Variants in DIAPH3 observed in about 807,000 individuals in gnomAD.
DIAPH3 encodes diaphanous related formin 3, also known as protein diaphanous homolog 3.
DIAPH3 carries 117 observed loss-of-function variants against 144.3 expected under a neutral mutation model. That is an observed-to-expected ratio of 0.81 (90% CI 0.70 to 0.95). DIAPH3 has a LOEUF of 0.95. Among genes scored for constraint, DIAPH3 ranks in the 40% least tolerant of loss-of-function variants. DIAPH3 has a pLI of 0.00. For synonymous variants in DIAPH3, 519 were observed against 488.9 expected, an observed-to-expected ratio of 1.06 and a Z score of -0.81; for missense variants, 1,421 against 1,412.7, an observed-to-expected ratio of 1.01 and a Z score of -0.09.
intron 27 of DIAPH3, among the ~76,000 whole-genome samples, chr13:59,735,674 A>T (rs1197817018): frequency 6.6e-6 from 1 of 151,920 alleles, no homozygotes; most frequent in Non-Finnish European, 1.5e-5. Context: ...CATGAGGTAG[A>T]TTTTTTTTTT....
At chr13:59,886,255 T>C (rs530691913) in intron 20 of DIAPH3, among the ~76,000 whole-genome samples, 2 of 152,232 alleles carry the variant, frequency 1.3e-5, no homozygotes, top group South Asian at 4.1e-4. Context: ...CTAAGATGTA[T>C]AGACTTTACA....
At chr13:59,745,298 G>T (rs1322037519) in intron 27 of DIAPH3, among the ~76,000 whole-genome samples, 1 of 152,098 alleles carries the variant, frequency 6.6e-6, no homozygotes, top group African/African-American at 2.4e-5. Flanking sequence ...TAACCTAGAG[G>T]TTAATTATCT....
intron 3 of DIAPH3, among the ~76,000 whole-genome samples, chr13:60,094,767 C>G (rs887585501): frequency 6.6e-6 from 1 of 152,132 alleles, no homozygotes; most frequent in South Asian, 2.1e-4. Context: ...GGCTACCAAA[C>G]CCTTCGAGCA....
intron 4 of DIAPH3, among the ~76,000 whole-genome samples, chr13:60,052,016 G>C (rs1292444525): frequency 6.6e-6 from 1 of 152,178 alleles, no homozygotes; most frequent in East Asian, 1.9e-4. Flanking sequence ...GCAGCTACCT[G>C]CTTCCTCCCA....
At chr13:59,755,070 T>C (rs2037190537) in intron 27 of DIAPH3, among the ~76,000 whole-genome samples, 1 of 152,214 alleles carries the variant, frequency 6.6e-6, no homozygotes, top group South Asian at 2.1e-4. Context: ...AGTTTTTCTG[T>C]TTAAATGCTT....
At chr13:60,042,340 G>T (rs1303011277) in intron 5 of DIAPH3, among the ~76,000 whole-genome samples, 4 of 152,182 alleles carry the variant, frequency 2.6e-5, no homozygotes, top group Admixed American at 2.6e-4. Context: ...ATTTCTTACT[G>T]TGTCAAATAA....
intron 26 of DIAPH3, 82 bp from the exon 27 acceptor site, chr13:59,774,330 T>C: frequency 8.5e-7 from 1 of 1,178,880 alleles, no homozygotes; most frequent in Admixed American, 2.1e-5. Flanking sequence ...CATACTTTTT[T>C]CCAAGGTTAT....
intron 4 of DIAPH3, among the ~76,000 whole-genome samples, chr13:60,059,438 T>C (rs2056682064): frequency 6.6e-6 from 1 of 152,062 alleles, no homozygotes; most frequent in African/African-American, 2.4e-5. Context: ...ATGCTATTTA[T>C]AAGGTACATT....
intron 17 of DIAPH3, among the ~76,000 whole-genome samples, chr13:59,958,352 A>G (rs2049527934): frequency 6.6e-6 from 1 of 152,156 alleles, no homozygotes; most frequent in Non-Finnish European, 1.5e-5. Flanking sequence ...ATGTTGTGAA[A>G]CATCATAAAA....
chr13:60,073,245 G>T (rs899221819), intron 4 of DIAPH3, among the ~76,000 whole-genome samples: 1 of 151,936 alleles, frequency 6.6e-6, no homozygotes, highest in East Asian at 1.9e-4. Context: ...GCAGGTGGAG[G>T]TTGCAGTGAG....
intron 27 of DIAPH3, among the ~76,000 whole-genome samples, chr13:59,682,944 G>A (rs1251560093): frequency 5.9e-5 from 9 of 152,138 alleles, no homozygotes; most frequent in Non-Finnish European, 1.3e-4. Flanking sequence ...TGTTAAAAGC[G>A]GTACTTTAAT....
chr13:60,089,392 TG>T (rs1257345942), intron 4 of DIAPH3, among the ~76,000 whole-genome samples: 1 of 152,210 alleles, frequency 6.6e-6, no homozygotes, highest in Non-Finnish European at 1.5e-5. Flanking sequence ...TAATAAAGAA[TG>T]AGAACTATAC....
Position 60,097,778 on chromosome 13 carries a change from GA to G in DIAPH3, c.391-4047del, listed in dbSNP as rs1048518068. 6.0e-4 allele frequency among the ~76,000 whole-genome samples: 62 copies of G among 102,682 alleles called. 1 individual carries two copies. Among genetic ancestry groups the G allele is most frequent in the East Asian group, 2.0e-3 (7 of 3,580 alleles). The allele number at this position is 102,682 out of a possible 152,430, so 67.4% of individuals were successfully genotyped here. A position where few individuals can be genotyped will look rare whatever the true frequency, so the allele number is the denominator to read the frequency against. On this transcript the variant is annotated intron_variant, in intron 3 of 27. Coordinates refer to ENST00000400324, the MANE Select transcript of DIAPH3 (RefSeq NM_001042517.2). ...AAGAAAAGCTCTGCCCTTTAAAAAAGAAAAAAAAAAAGAGAGAGAGAGAGAG... is the reference window on the plus strand; with the variant it reads ...AAGAAAAGCTCTGCCCTTTAAAAAAGAAAAAAAAAAGAGAGAGAGAGAGAG...
In DIAPH3 at chr13:59,790,640, T is replaced by C. The variant is rs1360435998; in HGVS notation, c.3164-15817A>G. ...GGAAATTTTAAAATCCTATTCAGAA[T>C]AACAGCAACATTGTTTTGAAAAGGA... On this transcript the variant is annotated intron_variant, in intron 25 of 27. Coordinates refer to ENST00000400324, the MANE Select transcript of DIAPH3 (RefSeq NM_001042517.2). 2.0e-5 allele frequency among the ~76,000 whole-genome samples: 3 copies of C among 151,680 alleles called. No homozygotes were observed. The East Asian group carries it at 5.8e-4, about 29-fold the overall frequency.
chr13:59,731,688 T>C (rs951963019), intron 27 of DIAPH3, among the ~76,000 whole-genome samples: 1 of 152,176 alleles, frequency 6.6e-6, no homozygotes, highest in African/African-American at 2.4e-5. Context: ...ATAATTGCCA[T>C]ATTCAAAGAT....
At chr13:59,846,205 G>A (rs1043148109) in intron 22 of DIAPH3, among the ~76,000 whole-genome samples, 2 of 150,910 alleles carry the variant, frequency 1.3e-5, no homozygotes, top group Non-Finnish European at 2.9e-5. Flanking sequence ...AAGATTTCAA[G>A]TAAGAAAGGA....
chr13:59,819,357 C>A (rs1028686443), intron 24 of DIAPH3, among the ~76,000 whole-genome samples: 1 of 151,834 alleles, frequency 6.6e-6, no homozygotes, highest in Non-Finnish European at 1.5e-5. Context: ...TCTTTAACCA[C>A]TTTTGCCTTG....
chr13:59,861,200 G>A (rs184696366), intron 22 of DIAPH3: 21 of 1,448,818 alleles, frequency 1.4e-5, no homozygotes, highest in Non-Finnish European at 1.8e-5. Context: ...ATAATATAAG[G>A]CCTCATCATC....
chr13:60,105,010 G>A (rs9563786), intron 3 of DIAPH3, among the ~76,000 whole-genome samples: 9,189 of 145,644 alleles, frequency 0.063, 426 homozygotes, highest in East Asian at 0.29. Flanking sequence ...GCAGGAGAAC[G>A]GCGTGAACCC....
Sources: allele counts gnomAD v4.1 joint callset (sites outside exome capture counted in the v4.1 genomes callset), GRCh38; gene constraint gnomAD v4.1.1; transcripts MANE v1.5; gene names NCBI Gene and HGNC (gene_info 2026-07-23, HGNC 2026-07-21).